Variants in KTN1 observed in about 807,000 individuals in gnomAD.
KTN1 encodes the protein kinectin.
A neutral mutation model predicts 222.5 loss-of-function variants in KTN1; 130 were observed. The observed-to-expected ratio is 0.58, with a 90% CI of 0.51 to 0.68. KTN1 has a LOEUF of 0.68. KTN1 is among the 30% of genes least tolerant of loss of function. The probability of loss-of-function intolerance (pLI) is 0.00; values close to 1 mark genes in which losing one functional copy is unlikely to be tolerated. For synonymous variants in KTN1, 512 were observed against 496.3 expected (o/e 1.03, Z -0.42); for missense variants, 1,508 against 1,500.4 (o/e 1.01, Z -0.08).
Position 55,663,990 on chromosome 14 carries a change from A to C in KTN1, c.3126A>C (p.Ala1042=), listed in dbSNP as rs2044426436. 7 of 1,612,850 alleles carry C rather than the reference A, an allele frequency of 4.3e-6. No individual in the cohort carries two copies. Among genetic ancestry groups the C allele is most frequent in the Non-Finnish European group, 5.1e-6 (6 of 1,179,210 alleles). Residue 1042 remains alanine (A), a synonymous_variant, in exon 33 of 44, where the codon GCA becomes GCC. Coordinates refer to ENST00000395314, the MANE Select transcript of KTN1 (RefSeq NM_001079521.2). ...AGAAAAACTGGGAAGCAATGGAAGC[A>C]TTGGCATCAACTGAAAAAATGCTGC... ...LREKNWEAME[A]LASTEKMLQD...
chr14:55,650,666 G>C, intron 24 of KTN1, 29 bp downstream of exon 24: 1 of 1,506,934 alleles, frequency 6.6e-7, no homozygotes, highest in Non-Finnish European at 9.1e-7. Flanking sequence ...TAGCATGACA[G>C]ATTTATTAGT....
chr14:55,674,741 A>G (rs1034872836), intron 40 of KTN1: 41 of 151,972 alleles, frequency 2.7e-4, no homozygotes, highest in African/African-American at 8.7e-4. Context: ...TTATCCCTCT[A>G]CTTCTGTCAG....
chr14:55,588,804 ATT>A (rs2033551922), intron 1 of KTN1, among the ~76,000 whole-genome samples: 1 of 152,200 alleles, frequency 6.6e-6, no homozygotes, highest in Admixed American at 6.5e-5. Context: ...TTTTAACTTT[ATT>A]ATTTGTGTAT....
intron 9 of KTN1, among the ~76,000 whole-genome samples, chr14:55,635,367 C>A (rs1316335824): frequency 6.6e-6 from 1 of 152,122 alleles, no homozygotes; most frequent in Admixed American, 6.5e-5. Flanking sequence ...ACCCTTAATA[C>A]CACTTTATCA....
At chr14:55,684,051 C>T in intron 43 of KTN1, 48 bp from the exon 44 acceptor site, 2 of 1,554,904 alleles carry the variant, frequency 1.3e-6, no homozygotes, top group Non-Finnish European at 1.8e-6. Context: ...TGATTGCCTT[C>T]TGTTGCTTTG....
intron 2 of KTN1, among the ~76,000 whole-genome samples, chr14:55,615,867 TTC>T (rs1202171219): frequency 9.9e-5 from 15 of 151,536 alleles, no homozygotes; most frequent in African/African-American, 3.2e-4. Flanking sequence ...CCTTTCTTTC[TTC>T]CTTTTCTTCT....
chr14:55,583,316 T>C lies in KTN1; in HGVS notation c.-31+2962T>C, dbSNP rs181412794. Among the ~76,000 whole-genome samples, 16 of 152,306 alleles carry C rather than the reference T, an allele frequency of 1.1e-4. No homozygotes were observed. The East Asian group carries it at 2.3e-3, about 22-fold the overall frequency. On this transcript the variant is annotated intron_variant, in intron 1 of 43. Transcript: ENST00000395314. ...TGGTACAAGCTTTTAATTGGTTTTA[T>C]GTAAAAGAAAATAGGCAAGATATAC...
chr14:55,619,291 A>G lies in KTN1; in HGVS notation c.942A>G (p.Val314=). 1 of 1,613,592 alleles carries G rather than the reference A, an allele frequency of 6.2e-7. No individual in the cohort carries two copies. Among genetic ancestry groups the G allele is most frequent in the Non-Finnish European group, 8.5e-7 (1 of 1,179,726 alleles). Residue 314 remains valine (V), a synonymous_variant, in exon 5 of 44, where the codon GTA becomes GTG. Transcript: ENST00000395314. ...VVDLLKEKSG[V]IQDALKKSSK... ...ACTTGCTAAAGGAGAAGTCTGGTGT[A>G]ATACAAGATGCTTTAAAGAAGGTAA...
chr14:55,666,125 A>G (rs892806768), intron 33 of KTN1, among the ~76,000 whole-genome samples: 4 of 152,004 alleles, frequency 2.6e-5, no homozygotes, highest in Non-Finnish European at 1.5e-5. Context: ...AAAATATCCT[A>G]TTAAAACACC....
intron 5 of KTN1, among the ~76,000 whole-genome samples, chr14:55,626,969 T>C (rs1050018240): frequency 6.6e-6 from 1 of 152,180 alleles, no homozygotes; most frequent in African/African-American, 2.4e-5. Flanking sequence ...GATGGCTGGT[T>C]TTACCTTTCA....
chr14:55,586,950 C>G lies in KTN1; in HGVS notation c.-31+6596C>G, dbSNP rs192187384. ...AATGGTTACCTCGAAAACGCCAACTCTGACCCTACCTAAAAATGCATACCC... is the reference window on the plus strand; with the variant it reads ...AATGGTTACCTCGAAAACGCCAACTGTGACCCTACCTAAAAATGCATACCC... On this transcript the variant is annotated intron_variant, in intron 1 of 43. Transcript: ENST00000395314. Among the ~76,000 whole-genome samples the G allele has an allele frequency of 6.6e-5, 10 of 152,316 alleles. No homozygotes were observed. The East Asian group carries it at 1.9e-3, about 29-fold the overall frequency.
intron 29 of KTN1, among the ~76,000 whole-genome samples, chr14:55,657,397 G>GTTTT (rs35297700): frequency 7.3e-6 from 1 of 137,680 alleles, no homozygotes; most frequent in Non-Finnish European, 1.6e-5. Context: ...CTGAGTTGAC[G>GTTTT]TTTTTTTTTT....
Position 55,607,815 on chromosome 14 carries a change from T to C in KTN1, c.-30-4204T>C, listed in dbSNP as rs373683728. Among the ~76,000 whole-genome samples the C allele has an allele frequency of 3.0e-4, 46 of 152,286 alleles. No individual in the cohort carries two copies. In the East Asian group the frequency reaches 6.8e-3, roughly 22 times the overall value. On this transcript the variant is annotated intron_variant, in intron 1 of 43. Coordinates refer to ENST00000395314, the MANE Select transcript of KTN1 (RefSeq NM_001079521.2). ...GCTGAAGTGGGAAGACCTCTGGAGT[T>C]TGATGCTGCAATGCGCTATCATAGG...
Position 55,671,772 on chromosome 14 carries a change from C to G in KTN1, c.3439-13C>G. 6.3e-7 allele frequency: 1 copy of G among 1,593,204 alleles called. No individual in the cohort carries two copies. Among genetic ancestry groups the G allele is most frequent in the Non-Finnish European group, 8.6e-7 (1 of 1,161,910 alleles). On this transcript the variant is annotated splice_polypyrimidine_tract_variant and intron_variant, in intron 36 of 43. Coordinates refer to ENST00000395314, the MANE Select transcript of KTN1 (RefSeq NM_001079521.2). ...ACATGAATTTTTCAAAACAACTATG[C>G]TTTTGTCTGTAGGAAGGAATTTTAC...
At chr14:55,604,090 T>TGA (rs767250670) in intron 1 of KTN1, among the ~76,000 whole-genome samples, 1 of 152,354 alleles carries the variant, frequency 6.6e-6, no homozygotes, top group African/African-American at 2.4e-5. Context: ...CCCATATTAC[T>TGA]GAGAGTGTTA....
intron 6 of KTN1, 151 bp downstream of exon 6, chr14:55,628,179 C>G: frequency 1.7e-6 from 1 of 591,946 alleles, no homozygotes; most frequent in South Asian, 2.1e-5. Context: ...GTAGATAGAG[C>G]TGTCTCTCTC....
intron 1 of KTN1, among the ~76,000 whole-genome samples, chr14:55,595,981 C>T (rs966673470): frequency 1.3e-5 from 2 of 151,602 alleles, no homozygotes; most frequent in African/African-American, 2.4e-5. Context: ...GGTGAAACCC[C>T]GTCTCTACCA....
At chr14:55,608,730 A>C (rs1258685015) in intron 1 of KTN1, among the ~76,000 whole-genome samples, 1 of 151,674 alleles carries the variant, frequency 6.6e-6, no homozygotes, top group East Asian at 1.9e-4. Flanking sequence ...CCTGGGTTCA[A>C]GTGATTCTTT....
chr14:55,661,430 T>G (rs1489060911), intron 31 of KTN1, 92 bp from the exon 32 acceptor site: 1 of 698,122 alleles, frequency 1.4e-6, no homozygotes, highest in Non-Finnish European at 2.6e-6. Flanking sequence ...TTGATATTTT[T>G]ATTTTGTAAT....
Sources: allele counts gnomAD v4.1 joint callset (sites outside exome capture counted in the v4.1 genomes callset), GRCh38; gene constraint gnomAD v4.1.1; transcripts MANE v1.5; gene names NCBI Gene and HGNC (gene_info 2026-07-23, HGNC 2026-07-21).